ANKRD28: variants seen among roughly 807,000 people sequenced by gnomAD.
The protein encoded by ANKRD28 is ankyrin repeat domain 28.
ANKRD28 carries 44 observed loss-of-function variants against 126.5 expected under a neutral mutation model. That is an observed-to-expected ratio of 0.35 (90% CI 0.27 to 0.45). The LOEUF is 0.45. Ranked by LOEUF, ANKRD28 falls within the 20% of genes least tolerant of loss-of-function variation. The pLI is 1.00. For missense variants in ANKRD28, 1,110 were observed against 1,316.6 expected (o/e 0.84, Z 2.43); for synonymous variants, 442 against 468.5 (o/e 0.94, Z 0.73).
intron 14 of ANKRD28, among the ~76,000 whole-genome samples, chr3:15,706,172 C>T (rs915067282): frequency 2.2e-4 from 33 of 151,868 alleles, no homozygotes; most frequent in Admixed American, 9.2e-4. Flanking sequence ...ACATGTGCCA[C>T]GTTGGTGTGC....
chr3:15,715,957 T>C (rs2072960143), intron 8 of ANKRD28, among the ~76,000 whole-genome samples: 1 of 152,062 alleles, frequency 6.6e-6, no homozygotes, highest in African/African-American at 2.4e-5. Flanking sequence ...TCCTAATTTT[T>C]AATGTTAATA....
chr3:15,709,816 A>C, intron 12 of ANKRD28, 80 bp from the exon 13 acceptor site: 9 of 863,460 alleles, frequency 1.0e-5, no homozygotes, highest in Non-Finnish European at 1.6e-5. Flanking sequence ...GAAGCATGAA[A>C]GCATGTTTTT....
At chr3:15,699,821 G>A (rs2070291649) in intron 14 of ANKRD28, among the ~76,000 whole-genome samples, 2 of 152,348 alleles carry the variant, frequency 1.3e-5, no homozygotes, top group South Asian at 4.1e-4. Flanking sequence ...GTGGAAGACA[G>A]TGTGGTGATT....
At chr3:15,819,717 A>G (rs1266974385) in intron 1 of ANKRD28, among the ~76,000 whole-genome samples, 1 of 152,218 alleles carries the variant, frequency 6.6e-6, no homozygotes, top group East Asian at 1.9e-4. Context: ...ATTACAAAAA[A>G]CAATGCTTTC....
At position 15,817,211 on chromosome 3, in the gene ANKRD28, C is replaced by A. The variant is rs549108476; in HGVS notation, c.28-21905G>T. On this transcript the variant is annotated intron_variant, in intron 1 of 27. Coordinates refer to the ANKRD28 transcript ENST00000399451. This position sits in a 1 kb window ranked among gnomAD's most constrained non-coding sequence, Gnocchi z 4.5. ...TGTAACAGTGATGAACAATTTCTCA[C>A]GCACAAACATTTCACATACTGATGA... 3.9e-5 allele frequency among the ~76,000 whole-genome samples: 6 copies of A among 152,108 alleles called. No individual in the cohort carries two copies. The highest frequency in any genetic ancestry group is 8.8e-5 in the Non-Finnish European group (6 of 68,022).
chr3:15,792,214 G>A (rs2060063214), intron 2 of ANKRD28, among the ~76,000 whole-genome samples: 1 of 152,158 alleles, frequency 6.6e-6, no homozygotes, highest in South Asian at 2.1e-4. Context: ...CAATTCCACT[G>A]CTGGGTATAT....
At chr3:15,683,608 A>G (rs2067774987) in intron 21 of ANKRD28, 1 of 152,220 alleles carries the variant, frequency 6.6e-6, no homozygotes, top group Non-Finnish European at 1.5e-5. Context: ...TGCTATCAGT[A>G]CTCAGCTGAA....
At chr3:15,730,664 GA>G (rs1189571345) in intron 6 of ANKRD28, among the ~76,000 whole-genome samples, 1 of 152,170 alleles carries the variant, frequency 6.6e-6, no homozygotes, top group Non-Finnish European at 1.5e-5. Flanking sequence ...TAGAATGGCT[GA>G]ACAGTTTTAG....
chr3:15,721,955 G>A (rs1479424218), intron 7 of ANKRD28, among the ~76,000 whole-genome samples: 1 of 152,186 alleles, frequency 6.6e-6, no homozygotes, highest in African/African-American at 2.4e-5. Context: ...ATGTTGGCCA[G>A]GCTGGTCCTG....
chr3:15,716,281 C>CA (rs2073031136), intron 8 of ANKRD28, among the ~76,000 whole-genome samples: 1 of 113,680 alleles, frequency 8.8e-6, no homozygotes, highest in South Asian at 2.8e-4. Flanking sequence ...CGCACCTGGA[C>CA]TTTTTTTTTT....
chr3:15,775,576 C>A (rs1289962783), intron 2 of ANKRD28, among the ~76,000 whole-genome samples: 2 of 152,224 alleles, frequency 1.3e-5, no homozygotes, highest in Non-Finnish European at 2.9e-5. Context: ...GAGGTTCCCA[C>A]TACCTCTTTC....
intron 2 of ANKRD28, among the ~76,000 whole-genome samples, chr3:15,792,166 C>A (rs566573254): frequency 1.3e-5 from 2 of 152,036 alleles, no homozygotes; most frequent in African/African-American, 4.8e-5. Context: ...TTTGGAGGTC[C>A]CCCAAAAAAC....
chr3:15,859,258 C>G (rs988560598), intron 1 of ANKRD28: 1 of 1,411,650 alleles, frequency 7.1e-7, no homozygotes, highest in African/African-American at 1.5e-5. Flanking sequence ...CGGGGCAGGA[C>G]CCCCGTTTCC....
At chr3:15,726,573 T>C (rs138867647) in intron 6 of ANKRD28, among the ~76,000 whole-genome samples, 339 of 152,336 alleles carry the variant, frequency 2.2e-3, no homozygotes, top group African/African-American at 7.8e-3. Context: ...GGTTGATTCA[T>C]GAGGTTTAAC....
chr3:15,775,067 G>C (rs1189894276), intron 2 of ANKRD28, among the ~76,000 whole-genome samples: 1 of 127,630 alleles, frequency 7.8e-6, no homozygotes, highest in East Asian at 5.0e-4. Flanking sequence ...AGTAGAGATG[G>C]AGTTTCACCA....
chr3:15,703,533 A>T (rs1426432717), intron 14 of ANKRD28, among the ~76,000 whole-genome samples: 2 of 152,224 alleles, frequency 1.3e-5, no homozygotes, highest in Non-Finnish European at 2.9e-5. Context: ...TATGGCAAGA[A>T]TATGCCCTCA....
intron 1 of ANKRD28, among the ~76,000 whole-genome samples, chr3:15,850,613 G>T (rs1016844174): frequency 6.6e-6 from 1 of 151,970 alleles, no homozygotes; most frequent in Non-Finnish European, 1.5e-5. Flanking sequence ...TCTTCTGTTG[G>T]GTTCAGGAGG....
intron 4 of ANKRD28, among the ~76,000 whole-genome samples, chr3:15,740,228 G>C (rs572697440): frequency 2.0e-5 from 3 of 152,288 alleles, no homozygotes; most frequent in Admixed American, 6.5e-5. Context: ...CTGGGGACAG[G>C]GAAGACTGAA....
Position 15,702,357 on chromosome 3 carries a change from G to A in ANKRD28, c.1547+5567C>T, listed in dbSNP as rs146086265. 1.6e-4 allele frequency among the ~76,000 whole-genome samples: 25 copies of A among 152,208 alleles called. No homozygotes were observed. In the East Asian group the frequency reaches 4.8e-3, roughly 29 times the overall value. On this transcript the variant is annotated intron_variant, in intron 14 of 27. Coordinates refer to ENST00000683139, the MANE Select transcript of ANKRD28 (RefSeq NM_001349278.2). ...ATGTGAACTTCATTAGAGGGTGGGG[G>A]CAGAAGAGTCTGTATACTCTTTTTT...
Sources: gnomAD v4.1 joint callset for allele counts (sites outside exome capture counted in the v4.1 genomes callset) on GRCh38, gnomAD v4.1.1 for gene constraint, Gnocchi (gnomAD v3.1) non-coding constraint, MANE v1.5 for transcripts, NCBI Gene and HGNC (gene_info 2026-07-23, HGNC 2026-07-21) for gene names.